Variants in ARK2C observed in about 807,000 individuals in gnomAD.
ARK2C encodes the protein arkadia (RNF111) C-terminal like ring finger ubiquitin ligase 2C.
the ARK2C span, chr18:46,458,387 C>T: frequency 6.5e-6 from 1 of 152,692 alleles, no homozygotes; most frequent in Non-Finnish European, 1.5e-5. Context: ...GCCCCACCCC[C>T]CACTGTTCCC....
chr18:46,343,584 A>G, the ARK2C span, among the ~76,000 whole-genome samples: 1 of 152,204 alleles, frequency 6.6e-6, no homozygotes, highest in Admixed American at 6.5e-5. Flanking sequence ...GCCAGTAACT[A>G]CCCGTGTGAG....
the ARK2C span, among the ~76,000 whole-genome samples, chr18:46,362,984 C>G: frequency 6.6e-6 from 1 of 152,194 alleles, no homozygotes; most frequent in Non-Finnish European, 1.5e-5. Flanking sequence ...TCTTTCCACG[C>G]CCACAGAAAA....
the ARK2C span, among the ~76,000 whole-genome samples, chr18:46,423,814 T>C: frequency 6.6e-6 from 1 of 152,224 alleles, no homozygotes; most frequent in Non-Finnish European, 1.5e-5. Flanking sequence ...GAGGATTCCA[T>C]GAAGAACTAT....
chr18:46,380,219 T>A, the ARK2C span, among the ~76,000 whole-genome samples: 2 of 152,360 alleles, frequency 1.3e-5, no homozygotes, highest in Admixed American at 1.3e-4. Context: ...CTTTTGGCTG[T>A]GCCAGTCTCC....
the ARK2C span, chr18:46,435,276 C>T: frequency 6.2e-7 from 1 of 1,612,688 alleles, no homozygotes; most frequent in Non-Finnish European, 8.5e-7. Context: ...GCTCTCCATC[C>T]CTTCTGGTGC....
At chr18:46,334,699 TGTGTGTGTGTGTGTGTGAGAGA>T in the ARK2C span, 11 of 316,784 alleles carry the variant, frequency 3.5e-5, no homozygotes, top group African/African-American at 2.7e-4. The surrounding 1 kb of genome is among the most constrained non-coding windows in gnomAD (Gnocchi z 4.4). Flanking sequence ...TGTGTGTGTG[TGTGTGTGTGTGTGTGTGAGAGA>T]GAGAGAGAGC....
At chr18:46,361,895 A>G in the ARK2C span, among the ~76,000 whole-genome samples, 5 of 152,376 alleles carry the variant, frequency 3.3e-5, no homozygotes, top group African/African-American at 1.2e-4. Context: ...TTTCAGCTCA[A>G]ATTTCCATGA....
chr18:46,392,039 A>G, the ARK2C span, among the ~76,000 whole-genome samples: 3 of 151,600 alleles, frequency 2.0e-5, no homozygotes, highest in Non-Finnish European at 2.9e-5. Flanking sequence ...CACCACACAT[A>G]ATACATACAA....
At chr18:46,434,308 CTA>C in the ARK2C span, among the ~76,000 whole-genome samples, 1 of 152,026 alleles carries the variant, frequency 6.6e-6, no homozygotes, top group Non-Finnish European at 1.5e-5. Context: ...AAAATAAAAA[CTA>C]AAAAGTTTTA....
chr18:46,454,493 C>G, the ARK2C span, among the ~76,000 whole-genome samples: 1 of 152,112 alleles, frequency 6.6e-6, no homozygotes, highest in Non-Finnish European at 1.5e-5. Flanking sequence ...ATTACAGAAG[C>G]CTAGCAGGGT....
the ARK2C span, among the ~76,000 whole-genome samples, chr18:46,438,074 C>G: frequency 2.0e-5 from 3 of 152,208 alleles, no homozygotes; most frequent in African/African-American, 7.2e-5. Flanking sequence ...TGTTCAAGAA[C>G]ATTAAAAGTG....
At chr18:46,336,255 A>G in the ARK2C span, 1 of 985,312 alleles carries the variant, frequency 1.0e-6, no homozygotes. Context: ...TTAAATCATT[A>G]CCATCCTCAT....
chr18:46,344,079 A>T, the ARK2C span, among the ~76,000 whole-genome samples: 1 of 152,152 alleles, frequency 6.6e-6, no homozygotes, highest in African/African-American at 2.4e-5. Flanking sequence ...CCAGAGAAGG[A>T]GGGGGACAGT....
At chr18:46,338,466 G>T in the ARK2C span, among the ~76,000 whole-genome samples, 3 of 152,140 alleles carry the variant, frequency 2.0e-5, no homozygotes, top group African/African-American at 4.8e-5. Flanking sequence ...CTTCATCTAC[G>T]GCCCTAGGGC....
the ARK2C span, among the ~76,000 whole-genome samples, chr18:46,453,397 C>T: frequency 6.6e-6 from 1 of 152,148 alleles, no homozygotes; most frequent in African/African-American, 2.4e-5. Flanking sequence ...ATGCACGCCT[C>T]ACCTGCTGTC....
At chr18:46,388,866 T>C in the ARK2C span, among the ~76,000 whole-genome samples, 5 of 151,860 alleles carry the variant, frequency 3.3e-5, no homozygotes, top group African/African-American at 1.2e-4. Flanking sequence ...TAGGGGCAGT[T>C]AAAAACAGAC....
the ARK2C span, among the ~76,000 whole-genome samples, chr18:46,372,581 C>T: frequency 1.1e-4 from 17 of 152,188 alleles, no homozygotes; most frequent in Admixed American, 6.5e-5. Flanking sequence ...TGTGAGGACA[C>T]GTGACCATGG....
At chr18:46,421,800 G>T in the ARK2C span, among the ~76,000 whole-genome samples, 9 of 152,268 alleles carry the variant, frequency 5.9e-5, no homozygotes, top group African/African-American at 2.2e-4. Context: ...AGGATGCAAA[G>T]TCCCCTCCCA....
the ARK2C span, among the ~76,000 whole-genome samples, chr18:46,380,320 C>T: frequency 6.6e-6 from 1 of 152,210 alleles, no homozygotes; most frequent in Non-Finnish European, 1.5e-5. Context: ...GGCTGTTGGC[C>T]TTTTCCTCTG....
Sources: allele counts gnomAD v4.1 joint callset (sites outside exome capture counted in the v4.1 genomes callset), GRCh38; gene constraint gnomAD v4.1.1; non-coding constraint Gnocchi (gnomAD v3.1); transcripts MANE v1.5; gene names NCBI Gene and HGNC (gene_info 2026-07-23, HGNC 2026-07-21).